Variants in BAIAP2 observed in about 807,000 individuals in gnomAD.
BAIAP2 encodes BAR/IMD domain containing adaptor protein 2.
In BAIAP2, 18 loss-of-function variants were observed where a neutral mutation model predicts 63.0. That is an observed-to-expected ratio of 0.29 (90% CI 0.20 to 0.42). The LOEUF (loss-of-function observed/expected upper bound fraction) is 0.42, where lower values mean the gene tolerates loss of function less well. Among genes scored for constraint, BAIAP2 ranks in the 10% least tolerant of loss-of-function variants. The pLI, the probability that BAIAP2 is intolerant of heterozygous loss-of-function variation, is 1.00. For missense variants in BAIAP2, 610 were observed against 734.3 expected, an observed-to-expected ratio of 0.83 and a Z score of 1.96; for synonymous variants, 386 against 307.6, an observed-to-expected ratio of 1.25 and a Z score of -2.67.
intron 7 of BAIAP2, among the ~76,000 whole-genome samples, chr17:81,102,318 T>A (rs2058603955): frequency 6.6e-6 from 1 of 152,080 alleles, no homozygotes; most frequent in Admixed American, 6.5e-5. Flanking sequence ...CGCTGCGAGG[T>A]CGGTGTCCCT....
At chr17:81,090,498 C>T (rs925121984) in intron 6 of BAIAP2, among the ~76,000 whole-genome samples, 2 of 152,238 alleles carry the variant, frequency 1.3e-5, no homozygotes, top group African/African-American at 4.8e-5. Flanking sequence ...TCTCATTTCT[C>T]CTGCGTCCCA....
chr17:81,068,998 AACAG>A (rs1356466721), intron 3 of BAIAP2, among the ~76,000 whole-genome samples: 5 of 152,132 alleles, frequency 3.3e-5, no homozygotes, highest in African/African-American at 1.2e-4. Flanking sequence ...GCCCCGTAGA[AACAG>A]ACAGGACAGG....
chr17:81,108,985 T>G, intron 13 of BAIAP2: 1 of 1,549,084 alleles, frequency 6.5e-7, no homozygotes, highest in Non-Finnish European at 8.7e-7. Flanking sequence ...GGCACGCTGG[T>G]GTCCACAGTG....
At chr17:81,096,361 C>T (rs1158491577) in intron 6 of BAIAP2, among the ~76,000 whole-genome samples, 2 of 152,202 alleles carry the variant, frequency 1.3e-5, no homozygotes, top group Admixed American at 6.5e-5. Flanking sequence ...CATGGAACCT[C>T]ACACACATTC....
chr17:81,112,508 T>C (rs1173777264), intron 13 of BAIAP2, among the ~76,000 whole-genome samples: 2 of 152,168 alleles, frequency 1.3e-5, no homozygotes, highest in Non-Finnish European at 1.5e-5. Flanking sequence ...GGCCTTGGAA[T>C]GAGAGTGGAG....
intron 13 of BAIAP2, chr17:81,110,841 G>GTCCCCCC: frequency 6.3e-7 from 1 of 1,589,036 alleles, no homozygotes; most frequent in East Asian, 2.2e-5. Context: ...CTCGCCCGTG[G>GTCCCCCC]TCCCCCCTCC....
intron 3 of BAIAP2, among the ~76,000 whole-genome samples, chr17:81,067,519 T>G (rs924679395): frequency 6.6e-6 from 1 of 152,208 alleles, no homozygotes; most frequent in African/African-American, 2.4e-5. Context: ...GCAGCCGTCC[T>G]GATTGGATTG....
intron 1 of BAIAP2, among the ~76,000 whole-genome samples, chr17:81,045,361 C>G (rs1469531170): frequency 6.6e-6 from 1 of 152,192 alleles, no homozygotes. Context: ...AGGCGGAGGG[C>G]AGAAGCGCCT....
intron 1 of BAIAP2, among the ~76,000 whole-genome samples, chr17:81,051,901 G>A (rs1444748376): frequency 6.6e-6 from 1 of 152,144 alleles, no homozygotes; most frequent in African/African-American, 2.4e-5. Context: ...CGTTGCCCAG[G>A]CCGGTCTTGA....
intron 1 of BAIAP2, chr17:81,037,104 C>G: frequency 2.7e-6 from 2 of 729,610 alleles, no homozygotes; most frequent in Admixed American, 2.6e-5. Context: ...GGCAGGAAAA[C>G]TCTTAGGACT....
chr17:81,076,908 C>G (rs987549072), intron 3 of BAIAP2, among the ~76,000 whole-genome samples: 6 of 152,090 alleles, frequency 3.9e-5, no homozygotes, highest in Admixed American at 3.9e-4. Context: ...GAGTTGGAGG[C>G]AGCAGTGAGC....
intron 13 of BAIAP2, chr17:81,108,950 C>A (rs1442125885): frequency 6.5e-7 from 1 of 1,547,132 alleles, no homozygotes; most frequent in African/African-American, 1.4e-5. Context: ...GGCAGCCGTC[C>A]TGTGCTTTGT....
intron 1 of BAIAP2, among the ~76,000 whole-genome samples, chr17:81,040,508 G>A (rs538905349): frequency 1.7e-3 from 260 of 152,388 alleles, no homozygotes; most frequent in African/African-American, 5.7e-3. Flanking sequence ...GAAGGGACCC[G>A]TTTGGCTCTG....
chr17:81,071,535 T>C (rs901377916), intron 3 of BAIAP2, among the ~76,000 whole-genome samples: 1 of 152,168 alleles, frequency 6.6e-6, no homozygotes, highest in Non-Finnish European at 1.5e-5. Context: ...ACAGAGCCCC[T>C]CTTCCACCAG....
At chr17:81,073,835 C>T (rs1318661503) in intron 3 of BAIAP2, among the ~76,000 whole-genome samples, 2 of 152,188 alleles carry the variant, frequency 1.3e-5, no homozygotes, top group African/African-American at 2.4e-5. Flanking sequence ...ACTAAAGATG[C>T]CCAGCGCCCC....
At chr17:81,040,693 G>A (rs2046961578) in intron 1 of BAIAP2, among the ~76,000 whole-genome samples, 1 of 152,232 alleles carries the variant, frequency 6.6e-6, no homozygotes, top group African/African-American at 2.4e-5. Flanking sequence ...CTCCCCGGGC[G>A]GTGGCCTGGG....
At chr17:81,064,645 T>A (rs2051150780) in intron 3 of BAIAP2, among the ~76,000 whole-genome samples, 1 of 152,174 alleles carries the variant, frequency 6.6e-6, no homozygotes, top group South Asian at 2.1e-4. Flanking sequence ...CCCTTTGTTC[T>A]CTCTCCTGGA....
chr17:81,111,680 G>A (rs908316726), intron 13 of BAIAP2, among the ~76,000 whole-genome samples: 2 of 152,230 alleles, frequency 1.3e-5, no homozygotes, highest in Admixed American at 6.5e-5. Flanking sequence ...ATTTCCTCAC[G>A]GGTTGAGTGG....
chr17:81,106,895 C>G lies in BAIAP2; in HGVS notation c.1488C>G (p.Pro496=), dbSNP rs754103687. The G allele has an allele frequency of 6.4e-7, 1 of 1,558,834 alleles. No homozygotes were observed. Among genetic ancestry groups the G allele is most frequent in the Non-Finnish European group, 8.7e-7 (1 of 1,152,426 alleles). ...AGAGGCCCTACAGTGTGGCCGTGCC[C>G]GCCTTCTCCCAGGTCAGTGGGCGGG... The part of the protein sequence containing the change: ...FKQRPYSVAV[P]AFSQGLDDYG... The change falls in exon 12 of 14, where the codon CCC becomes CCG. Residue 496 remains proline (P), a synonymous_variant. Transcript: ENST00000428708.
Sources: gnomAD v4.1 joint callset for allele counts (sites outside exome capture counted in the v4.1 genomes callset) on GRCh38, gnomAD v4.1.1 for gene constraint, MANE v1.5 for transcripts, NCBI Gene and HGNC (gene_info 2026-07-23, HGNC 2026-07-21) for gene names.